Variants in SYNE2 observed in about 807,000 individuals in gnomAD.
SYNE2 encodes spectrin repeat containing nuclear envelope protein 2.
Under a neutral mutation model 856.3 loss-of-function variants are expected in SYNE2, and 431 were observed. The observed-to-expected ratio is 0.50, with a 90% confidence interval of 0.47 to 0.55. SYNE2 has a LOEUF of 0.55. Ranked by LOEUF, SYNE2 falls within the 20% of genes least tolerant of loss-of-function variation. SYNE2 has a pLI of 0.00. For missense variants in SYNE2, 8,129 were observed against 8,023.2 expected (o/e 1.01, Z -0.50); for synonymous variants, 2,923 against 2,872.3 (o/e 1.02, Z -0.56).
At chr14:64,127,393 A>C (rs2097958015) in intron 73 of SYNE2, among the ~76,000 whole-genome samples, 2 of 152,180 alleles carry the variant, frequency 1.3e-5, no homozygotes, top group Non-Finnish European at 2.9e-5. Context: ...TGGGCAACAT[A>C]GATCCCATCT....
intron 100 of SYNE2, chr14:64,204,335 CTT>C (rs2098595074): frequency 6.6e-6 from 1 of 152,190 alleles, no homozygotes; most frequent in Non-Finnish European, 1.5e-5. Context: ...GGATGAATGT[CTT>C]TGAACAGACT....
intron 94 of SYNE2, among the ~76,000 whole-genome samples, chr14:64,171,599 C>G (rs563685766): frequency 1.3e-5 from 2 of 152,248 alleles, no homozygotes; most frequent in South Asian, 4.2e-4. Flanking sequence ...AAGGAAAGAG[C>G]CTTTCAGACT....
chr14:63,790,378 G>A (rs1887692568), intron 1 of SYNE2, among the ~76,000 whole-genome samples: 1 of 151,396 alleles, frequency 6.6e-6, no homozygotes, highest in Non-Finnish European at 1.5e-5. Flanking sequence ...AAGAAGGAAG[G>A]AAAGAAAGAA....
At chr14:64,029,800 C>G (rs549788566) in intron 43 of SYNE2, 95 bp from the exon 44 acceptor site, 2 of 1,386,170 alleles carry the variant, frequency 1.4e-6, no homozygotes, top group African/African-American at 2.9e-5. Context: ...CAAGATGAAA[C>G]TGGTAAACAA....
At chr14:63,799,528 T>TA (rs960173894) in intron 1 of SYNE2, among the ~76,000 whole-genome samples, 5 of 150,668 alleles carry the variant, frequency 3.3e-5, no homozygotes, top group African/African-American at 4.9e-5. Flanking sequence ...CCGTCTCTAC[T>TA]AAAAAAACAA....
At chr14:63,986,333 C>T in intron 18 of SYNE2, 123 bp from the exon 19 acceptor site, 1 of 1,037,080 alleles carries the variant, frequency 9.6e-7, no homozygotes, top group Non-Finnish European at 1.4e-6. Context: ...CTCCTAGCCT[C>T]AAGCAATCCT....
intron 1 of SYNE2, among the ~76,000 whole-genome samples, chr14:63,826,621 T>C (rs1248726669): frequency 2.0e-5 from 3 of 152,088 alleles, no homozygotes; most frequent in Non-Finnish European, 4.4e-5. Flanking sequence ...TTTCAATGTA[T>C]GTTCCTGGGA....
At position 64,224,557 on chromosome 14, in the gene SYNE2, CCCTT is replaced by C; in HGVS notation, c.20469+16_20469+19del. 6.2e-7 allele frequency: 1 copy of C among 1,613,944 alleles called. No individual in the cohort carries two copies. Among genetic ancestry groups the C allele is most frequent in the Non-Finnish European group, 8.5e-7 (1 of 1,179,936 alleles). On this transcript the variant is annotated intron_variant, in intron 114 of 115. Coordinates refer to ENST00000555002, the MANE Select transcript of SYNE2 (RefSeq NM_182914.3). Reference sequence around the variant, plus strand: ...AGCTCCCCGAGCAAAGGTAAGAAGCCCCTTCCTTCTGTGAGAACCTCACTGGTTA... The same window carrying C: ...AGCTCCCCGAGCAAAGGTAAGAAGCCCCTTCTGTGAGAACCTCACTGGTTA...
In SYNE2 at chr14:64,137,884, A is replaced by T. The variant is rs2098108045; in HGVS notation, c.14744A>T (p.Glu4915Val). The change falls in exon 79 of 116, where the codon GAG (glutamate) becomes GTG (valine). Residue 4915 changes from glutamate (E) to valine (V), a missense_variant. Transcript: ENST00000555002. ...LVASVSCPEL[E>V]GQIAKLEEQW... The stretch of plus-strand genomic sequence containing the variant: ...GCGTCTGTGAGCTGTCCTGAATTAG[A>T]GGGCCAGATCGCAAAACTGGAAGAG... 6.2e-7 allele frequency: 1 copy of T among 1,614,082 alleles called. No individual in the cohort carries two copies. Among genetic ancestry groups the T allele is most frequent in the African/African-American group, 1.3e-5 (1 of 74,924 alleles).
chr14:64,025,357 C>G lies in SYNE2; in HGVS notation c.6188C>G (p.Ser2063Cys). Residue 2063 changes from serine to cysteine, a missense_variant, in exon 41 of 116, where the codon TCC becomes TGC. Transcript: ENST00000555002. ...CATTGGATAAAAGAGATTAAAGAGT[C>G]CCTTATGGTTTTGAATTCATCCGAA... ...VIHWIKEIKE[S>C]LMVLNSSEGK... 6.2e-7 allele frequency: 1 copy of G among 1,613,874 alleles called. No homozygotes were observed. The highest frequency in any genetic ancestry group is 8.5e-7 in the Non-Finnish European group (1 of 1,179,962).
chr14:64,076,012 A>G lies in SYNE2; in HGVS notation c.10934A>G (p.Lys3645Arg). 1.2e-6 allele frequency: 2 copies of G among 1,614,000 alleles called. No individual in the cohort carries two copies. Among genetic ancestry groups the G allele is most frequent in the Non-Finnish European group, 1.7e-6 (2 of 1,179,870 alleles). ...FENIMEKLRI[K>R]YSEMYTIVPA... ...AATATTATGGAAAAACTGCGAATCA[A>G]GTATTCCGAAATGTACACCATAGTC... The change falls in exon 54 of 116, where the codon AAG becomes AGG. Residue 3645 changes from lysine to arginine, a missense_variant. This residue lies in a region of SYNE2 where 5,410 missense variants were observed against 5,284.8 expected (regional missense o/e 1.02). Coordinates refer to ENST00000555002, the MANE Select transcript of SYNE2 (RefSeq NM_182914.3).
intron 1 of SYNE2, among the ~76,000 whole-genome samples, chr14:63,891,163 C>A (rs1337424986): frequency 6.6e-6 from 1 of 152,182 alleles, no homozygotes; most frequent in African/African-American, 2.4e-5. Context: ...AAACTTCTTT[C>A]CTGTACCCTC....
In SYNE2 at chr14:64,215,312, G is replaced by A. The variant is rs2098660915; in HGVS notation, c.19360G>A (p.Ala6454Thr). ...TGTAGAAATCCCTGAAAATCCTGAG[G>A]CATATCTTAAAATGACCACAAAAAC... ...SDVEIPENPEAYLKMTTKTLK... is the reference protein window; with the variant it reads ...SDVEIPENPETYLKMTTKTLK... The change falls in exon 107 of 116, where the codon GCA becomes ACA. Residue 6454 changes from alanine to threonine, a missense_variant. This residue lies in a region of SYNE2 where 5,410 missense variants were observed against 5,284.8 expected (regional missense o/e 1.02). Coordinates refer to ENST00000555002, the MANE Select transcript of SYNE2 (RefSeq NM_182914.3). The A allele has an allele frequency of 3.1e-6, 5 of 1,614,114 alleles. No homozygotes were observed. In the East Asian group the frequency reaches 6.7e-5, roughly 22 times the overall value.
intron 45 of SYNE2, among the ~76,000 whole-genome samples, chr14:64,045,158 C>T (rs2153567597): frequency 6.6e-6 from 1 of 152,230 alleles, no homozygotes; most frequent in South Asian, 2.1e-4. Context: ...TCAAGGGATT[C>T]TGTTGGCTTT....
At chr14:64,220,916 CCT>C (rs1292903037) in intron 111 of SYNE2, among the ~76,000 whole-genome samples, 1 of 152,110 alleles carries the variant, frequency 6.6e-6, no homozygotes, top group Non-Finnish European at 1.5e-5. Context: ...CCCCACAACT[CCT>C]CTTTTTGTCC....
chr14:63,786,831 A>G (rs1010429396), intron 1 of SYNE2, among the ~76,000 whole-genome samples: 2 of 152,102 alleles, frequency 1.3e-5, no homozygotes, highest in Non-Finnish European at 1.5e-5. Flanking sequence ...TGGTGCAAAC[A>G]TGGCTCACTG....
intron 1 of SYNE2, among the ~76,000 whole-genome samples, chr14:63,819,815 C>A (rs893068635): frequency 2.7e-3 from 1 of 376 alleles, no homozygotes; most frequent in Non-Finnish European, 4.8e-3. Context: ...GGATTACAGG[C>A]GTGAGCACCG....
At chr14:64,196,108 C>T (rs911349147) in intron 99 of SYNE2, among the ~76,000 whole-genome samples, 9 of 152,190 alleles carry the variant, frequency 5.9e-5, no homozygotes, top group South Asian at 2.1e-4. Context: ...CAGCCAACCA[C>T]GTGGGCCTGA....
At chr14:64,222,066 T>C (rs773752213) in intron 112 of SYNE2, among the ~76,000 whole-genome samples, 5 of 152,202 alleles carry the variant, frequency 3.3e-5, no homozygotes, top group African/African-American at 4.8e-5. Context: ...GCTGAATGGG[T>C]TTTCTGTATC....
Sources: gnomAD v4.1 joint callset for allele counts (sites outside exome capture counted in the v4.1 genomes callset) on GRCh38, gnomAD v4.1.1 for gene constraint, gnomAD v4.1.1 regional missense constraint, MANE v1.5 for transcripts, NCBI Gene and HGNC (gene_info 2026-07-23, HGNC 2026-07-21) for gene names.